Variants in NELL2 observed in about 807,000 individuals in gnomAD.
The protein encoded by NELL2 is neural EGFL like 2.
A neutral mutation model predicts 109.6 loss-of-function variants in NELL2; 41 were observed. That is an observed-to-expected ratio of 0.37 (90% CI 0.29 to 0.49). The LOEUF (loss-of-function observed/expected upper bound fraction) is 0.49, where lower values mean the gene tolerates loss of function less well. Among genes scored for constraint, NELL2 ranks in the 20% least tolerant of loss-of-function variants. NELL2 has a pLI of 0.98. For missense variants in NELL2, 900 were observed against 1,008.3 expected (o/e 0.89, Z 1.45); for synonymous variants, 355 against 344.7 (o/e 1.03, Z -0.33).
chr12:44,670,864 C>A (rs1948115483), intron 12 of NELL2, among the ~76,000 whole-genome samples: 1 of 152,020 alleles, frequency 6.6e-6, no homozygotes, highest in Admixed American at 6.6e-5. Context: ...AACTTCAACA[C>A]CCTCGTTTTA....
intron 13 of NELL2, among the ~76,000 whole-genome samples, chr12:44,633,891 T>C (rs1566056491): frequency 6.6e-6 from 1 of 152,092 alleles, no homozygotes; most frequent in South Asian, 2.1e-4. Context: ...CTACTTCTCT[T>C]CCTACACTCA....
chr12:44,815,350 G>C (rs545540320), intron 3 of NELL2, among the ~76,000 whole-genome samples: 1 of 152,106 alleles, frequency 6.6e-6, no homozygotes, highest in African/African-American at 2.4e-5. Context: ...ACAATTATAC[G>C]ACTATTAAAC....
chr12:44,598,889 T>A (rs61930835), intron 15 of NELL2, among the ~76,000 whole-genome samples: 22,358 of 98,490 alleles, frequency 0.23, 1,935 homozygotes, highest in East Asian at 0.39. Context: ...ACACACTCTC[T>A]CTCTCTCTCT....
At chr12:44,549,073 T>C (rs1054600990) in intron 15 of NELL2, among the ~76,000 whole-genome samples, 19 of 152,212 alleles carry the variant, frequency 1.2e-4, no homozygotes, top group Non-Finnish European at 1.9e-4. Context: ...TAAATTCTAC[T>C]ATGTTGGCTG....
At chr12:44,785,877 C>A (rs530342376) in intron 3 of NELL2, among the ~76,000 whole-genome samples, 97 of 152,192 alleles carry the variant, frequency 6.4e-4, no homozygotes, top group African/African-American at 2.2e-3. Flanking sequence ...CAAAAATTAA[C>A]TCACAATGGA....
At chr12:44,850,183 T>C (rs1006670533) in intron 2 of NELL2, among the ~76,000 whole-genome samples, 1 of 152,172 alleles carries the variant, frequency 6.6e-6, no homozygotes, top group African/African-American at 2.4e-5. Flanking sequence ...TATAACTTCA[T>C]AGGGATAGTG....
chr12:44,511,244 A>G (rs1940990541), intron 19 of NELL2, among the ~76,000 whole-genome samples: 1 of 152,220 alleles, frequency 6.6e-6, no homozygotes, highest in African/African-American at 2.4e-5. Context: ...CTAATAAAGC[A>G]TCCTACTTGG....
In NELL2 at chr12:44,522,168, G is replaced by A. The variant is rs772079522; in HGVS notation, c.2007C>T (p.Phe669=). 23 of 1,611,834 alleles carry A rather than the reference G, an allele frequency of 1.4e-5. No homozygotes were observed. The highest frequency in any genetic ancestry group is 2.7e-5 in the African/African-American group (2 of 74,620). Residue 669 remains phenylalanine, a synonymous_variant, in exon 18 of 20, where the codon TTC becomes TTT. Transcript: ENST00000429094. ...CACAGACCATCCGTCGACACATAACGAATCCATTCTGTATGAAAAAGAAAA... is the reference window on the plus strand; with the variant it reads ...CACAGACCATCCGTCGACACATAACAAATCCATTCTGTATGAAAAAGAAAA... ...RCSVCSCQNG[F]VMCRRMVCDC... is the part of the protein sequence containing the mutation.
chr12:44,593,484 C>T (rs142602960), intron 15 of NELL2, among the ~76,000 whole-genome samples: 8 of 152,262 alleles, frequency 5.3e-5, no homozygotes, highest in African/African-American at 1.7e-4. Flanking sequence ...TCAGGCTTGT[C>T]AATTTAATAG....
upstream of NELL2, chr12:44,876,433 T>A: frequency 1.6e-6 from 2 of 1,282,224 alleles, no homozygotes; most frequent in South Asian, 5.4e-5. Context: ...GCGCTCAGCG[T>A]CGGTCTCCCG....
chr12:44,697,513 T>C (rs1217393623), intron 12 of NELL2, among the ~76,000 whole-genome samples: 6 of 152,140 alleles, frequency 3.9e-5, no homozygotes. Flanking sequence ...CAGGAATATA[T>C]ATATTTTTTC....
intron 2 of NELL2, among the ~76,000 whole-genome samples, chr12:44,824,165 T>C (rs909735967): frequency 6.6e-6 from 1 of 152,256 alleles, no homozygotes; most frequent in African/African-American, 2.4e-5. Flanking sequence ...CATTGGACAA[T>C]GGACCCCTTG....
At chr12:44,649,118 C>G (rs1199866210) in intron 13 of NELL2, among the ~76,000 whole-genome samples, 1 of 151,960 alleles carries the variant, frequency 6.6e-6, no homozygotes, top group Non-Finnish European at 1.5e-5. Context: ...GATGTATAAT[C>G]TTGTCATAGA....
chr12:44,656,047 G>A lies in NELL2; in HGVS notation c.1444+9437C>T, dbSNP rs143736325. 9.0e-4 allele frequency among the ~76,000 whole-genome samples: 137 copies of A among 152,312 alleles called. 4 individuals carry two copies. The East Asian group carries it at 0.022, about 25-fold the overall frequency. ...CAACTAGTGGCCAGATGGTAGGATT[G>A]TCTGATTGTTGACTGTGGCTCTTTC... On this transcript the variant is annotated intron_variant, in intron 13 of 19. Coordinates refer to ENST00000429094, the MANE Select transcript of NELL2 (RefSeq NM_001145108.2).
chr12:44,816,207 T>A, intron 2 of NELL2, 71 bp from the exon 3 acceptor site: 1 of 1,337,454 alleles, frequency 7.5e-7, no homozygotes, highest in Non-Finnish European at 1.0e-6. Context: ...ACATGTAACA[T>A]CTTTCAAAAA....
chr12:44,612,002 C>T (rs146305821), intron 13 of NELL2, among the ~76,000 whole-genome samples: 3 of 151,980 alleles, frequency 2.0e-5, no homozygotes, highest in African/African-American at 7.3e-5. Flanking sequence ...ACAAAATATA[C>T]ATTTTAATAA....
chr12:44,876,589 G>A, upstream of NELL2: 2 of 1,536,112 alleles, frequency 1.3e-6, no homozygotes, highest in Admixed American at 2.1e-5. Flanking sequence ...TAAGTTGATG[G>A]GCGGTCTTTG....
At chr12:44,884,115 G>A (rs1945444893) in intron 1 of NELL2, among the ~76,000 whole-genome samples, 1 of 151,150 alleles carries the variant, frequency 6.6e-6, no homozygotes, top group Non-Finnish European at 1.5e-5. Context: ...TAAAGGTAAA[G>A]GATTAAAAAT....
intron 9 of NELL2, among the ~76,000 whole-genome samples, chr12:44,765,086 T>G (rs919589245): frequency 2.2e-4 from 33 of 152,296 alleles, no homozygotes; most frequent in African/African-American, 7.0e-4. Context: ...GGCACTGAGC[T>G]AAGTGACGTG....
Sources: gnomAD v4.1 joint callset for allele counts (sites outside exome capture counted in the v4.1 genomes callset) on GRCh38, gnomAD v4.1.1 for gene constraint, MANE v1.5 for transcripts, NCBI Gene and HGNC (gene_info 2026-07-23, HGNC 2026-07-21) for gene names.